Variants in TACC3 observed in about 807,000 individuals in gnomAD.
TACC3 encodes transforming acidic coiled-coil containing protein 3, also known as transforming acidic coiled-coil-containing protein 3.
Under a neutral mutation model 86.0 loss-of-function variants are expected in TACC3, and 52 were observed. That is an observed-to-expected ratio of 0.60 (90% CI 0.48 to 0.76). The LOEUF is 0.76. Among genes scored for constraint, TACC3 ranks in the 30% least tolerant of loss-of-function variants. The probability of loss-of-function intolerance (pLI) is 0.00; values close to 1 mark genes in which losing one functional copy is unlikely to be tolerated. For missense variants in TACC3, 1,120 were observed against 1,070.4 expected (o/e 1.05, Z -0.65); for synonymous variants, 512 against 430.0 (o/e 1.19, Z -2.36).
Position 1,735,873 on chromosome 4 carries a change from G to A in TACC3, c.1748+39G>A, listed in dbSNP as rs778461300. The stretch of plus-strand genomic sequence containing the variant: ...CCCTCCCTCATGCATGAAGCCTTGA[G>A]TGTGGGAAGACTGGAGGCTGTTCCT... On this transcript the variant is annotated intron_variant, in intron 8 of 15. Transcript: ENST00000313288. The surrounding 1 kb of genome is among the most constrained non-coding windows in gnomAD (Gnocchi z 4.2). 7.1e-5 allele frequency: 101 copies of A among 1,418,694 alleles called. No homozygotes were observed. Among genetic ancestry groups the A allele is most frequent in the Non-Finnish European group, 9.7e-5 (100 of 1,026,066 alleles). The allele number at this position is 1,418,694 out of a possible 1,614,324, so 87.9% of individuals were successfully genotyped here.
intron 8 of TACC3, among the ~76,000 whole-genome samples, chr4:1,736,422 C>CAAAAAAAAA (rs1164866581): frequency 3.0e-5 from 2 of 65,830 alleles, no homozygotes; most frequent in Non-Finnish European, 2.5e-5. Context: ...GACTCCATCT[C>CAAAAAAAAA]AAAAAAAAAA....
At chr4:1,733,149 G>A (rs1456648360) in intron 6 of TACC3, among the ~76,000 whole-genome samples, 2 of 152,144 alleles carry the variant, frequency 1.3e-5, no homozygotes, top group African/African-American at 4.8e-5. Flanking sequence ...TCTGGTTGCG[G>A]TTTTGATTTG....
chr4:1,733,763 A>C (rs1208348741), intron 6 of TACC3, among the ~76,000 whole-genome samples: 1 of 152,242 alleles, frequency 6.6e-6, no homozygotes, highest in Non-Finnish European at 1.5e-5. Flanking sequence ...GAATCACCTG[A>C]GATCAAGAGT....
At chr4:1,739,347 A>G (rs1192225613) in intron 10 of TACC3, 3 of 289,966 alleles carry the variant, frequency 1.0e-5, no homozygotes, top group Non-Finnish European at 1.9e-5. Context: ...TGACTTACTG[A>G]TTCTTTGAAG....
rs1292856377 is a variant in TACC3 at position 1,728,638 on chromosome 4, C to T, written c.1236C>T (p.Asp412=). The T allele has an allele frequency of 1.9e-6, 3 of 1,613,892 alleles. No individual in the cohort carries two copies. Among genetic ancestry groups the T allele is most frequent in the Admixed American group, 1.7e-5 (1 of 60,030 alleles). The change falls in exon 4 of 16, where the codon GAC becomes GAT. Residue 412 remains aspartate (D), a synonymous_variant. Transcript: ENST00000313288. ...ACCTCGACTGGGACAAAATGGATGA[C>T]CCAAACTTCATCCCGTTCGGAGGTG... ...SYHLDWDKMD[D]PNFIPFGGDT...
chr4:1,738,025 C>T (rs578151667), intron 10 of TACC3: 22 of 413,692 alleles, frequency 5.3e-5, no homozygotes, highest in Non-Finnish European at 9.4e-5. Flanking sequence ...CGAGTGTCGC[C>T]CCTTTCCTCC....
intron 3 of TACC3, among the ~76,000 whole-genome samples, chr4:1,726,156 A>T (rs963446713): frequency 2.6e-5 from 4 of 152,138 alleles, no homozygotes; most frequent in African/African-American, 9.7e-5. Context: ...GCCCTGCGCC[A>T]TGCAGTCCCA....
In TACC3 at chr4:1,731,268, C is replaced by G. The variant is rs148960781; in HGVS notation, c.1558C>G (p.Leu520Val). ...TCAGCAGGGGCAGCCTGCCTTGGAG[C>G]TGAAAGAGGAGAGCTTCAGAGACCC... ...THQQGQPALE[L>V]KEESFRDPAE... Residue 520 changes from leucine (L) to valine (V), a missense_variant, in exon 6 of 16, where the codon CTG becomes GTG. Coordinates refer to ENST00000313288, the MANE Select transcript of TACC3 (RefSeq NM_006342.3). 2.5e-5 allele frequency: 40 copies of G among 1,613,238 alleles called. No homozygotes were observed. The highest frequency in any genetic ancestry group is 3.2e-5 in the Non-Finnish European group (38 of 1,180,026).
chr4:1,726,985 G>A (rs1717719627), intron 3 of TACC3, among the ~76,000 whole-genome samples: 1 of 152,140 alleles, frequency 6.6e-6, no homozygotes, highest in Non-Finnish European at 1.5e-5. Flanking sequence ...AACAAAATTA[G>A]CCAGACATGG....
At position 1,744,940 on chromosome 4, in the gene TACC3, T is replaced by A. The variant is rs769020290; in HGVS notation, c.2452-8T>A. On this transcript the variant is annotated splice_region_variant and splice_polypyrimidine_tract_variant and intron_variant, in intron 15 of 15. Coordinates refer to ENST00000313288, the MANE Select transcript of TACC3 (RefSeq NM_006342.3). ...GGAGAAGCCCCGCAACTCATCTTCC[T>A]CCTCCAGACTAAAGAGAACGAGGAG... 1.7e-5 allele frequency: 28 copies of A among 1,611,730 alleles called. 1 individual carries two copies. Among genetic ancestry groups the A allele is most frequent in the South Asian group, 1.1e-4 (10 of 90,754 alleles).
intron 6 of TACC3, 140 bp downstream of exon 6, chr4:1,731,441 C>G: frequency 1.0e-6 from 1 of 959,900 alleles, no homozygotes; most frequent in Admixed American, 2.4e-5. Context: ...ATGACTCATG[C>G]ACAAACTTGT....
At chr4:1,737,969 T>C in intron 10 of TACC3, 1 of 555,990 alleles carries the variant, frequency 1.8e-6, no homozygotes, top group Non-Finnish European at 3.4e-6. Context: ...GGCGTTGGCC[T>C]CTGGTGGCCT....
rs764828069 is a variant in TACC3, at chr4:1,740,949, T to G, written c.2186T>G (p.Phe729Cys). The change falls in exon 13 of 16, where the codon TTT becomes TGT. Residue 729 changes from phenylalanine to cysteine, a missense_variant. Physicochemically the swap from Phe to Cys is radical, Grantham distance 205. Transcript: ENST00000313288. Reference sequence around the variant, plus strand: ...TCCTTCTCCGACCTCTTCAAGCGTTTTGAGAAACAGAAAGAGGTGATCGAG... The same window carrying G: ...TCCTTCTCCGACCTCTTCAAGCGTTGTGAGAAACAGAAAGAGGTGATCGAG... Reference protein sequence around the residue: ...EKSFSDLFKRFEKQKEVIEGY... With the variant: ...EKSFSDLFKRCEKQKEVIEGY... 6.2e-7 allele frequency: 1 copy of G among 1,610,952 alleles called. No homozygotes were observed. The highest frequency in any genetic ancestry group is 2.2e-5 in the East Asian group (1 of 44,800).
intron 10 of TACC3, 183 bp from the exon 11 acceptor site, chr4:1,739,519 C>T (rs952498954): frequency 2.6e-5 from 16 of 607,284 alleles, no homozygotes; most frequent in East Asian, 1.1e-4. Flanking sequence ...GTCGGGTGCA[C>T]GTGGAGCAGG....
In TACC3 at chr4:1,728,194, C is replaced by T. The variant is rs758170032; in HGVS notation, c.792C>T (p.Pro264=). The part of the protein sequence containing the change: ...AIPKEACGGA[P]LQGLPGEALG... ...CTAAGGAAGCCTGCGGAGGAGCACC[C>T]CTGCAGGGTCTGCCTGGCGAAGCCC... is the stretch of plus-strand genomic sequence containing the variant. The change falls in exon 4 of 16, where the codon CCC becomes CCT. Residue 264 remains proline, a synonymous_variant. Transcript: ENST00000313288. 1.2e-6 allele frequency: 2 copies of T among 1,611,726 alleles called. No homozygotes were observed. Among genetic ancestry groups the T allele is most frequent in the African/African-American group, 2.7e-5 (2 of 75,044 alleles).
upstream of TACC3, chr4:1,720,929 G>A (rs1422554787): frequency 8.4e-7 from 1 of 1,189,998 alleles, no homozygotes; most frequent in Non-Finnish European, 1.1e-6. The surrounding 1 kb of genome is among the most constrained non-coding windows in gnomAD (Gnocchi z 4.4). Context: ...CGGTTGCGGC[G>A]GCCGCCGCCC....
In TACC3 at chr4:1,744,813, A is replaced by T. The variant is rs1411166113; in HGVS notation, c.2432A>T (p.Glu811Val). The T allele has an allele frequency of 6.2e-7, 1 of 1,612,960 alleles. No homozygotes were observed. The highest frequency in any genetic ancestry group is 1.1e-5 in the South Asian group (1 of 91,078). ...RKEQMRIQSL[E>V]KTVEQKTKEN... Reference sequence around the variant, plus strand: ...GAGCAGATGCGCATCCAGTCGCTGGAGAAGACAGTGGAGCAGAAGGTGGGT... The same window carrying T: ...GAGCAGATGCGCATCCAGTCGCTGGTGAAGACAGTGGAGCAGAAGGTGGGT... Residue 811 changes from glutamate (E) to valine (V), a missense_variant, in exon 15 of 16, where the codon GAG becomes GTG. Transcript: ENST00000313288.
At chr4:1,731,447 C>T (rs905322541) in intron 6 of TACC3, 146 bp downstream of exon 6, 2 of 929,600 alleles carry the variant, frequency 2.2e-6, no homozygotes, top group Middle Eastern at 3.5e-4. Flanking sequence ...CATGCACAAA[C>T]TTGTGGTTTG....
At chr4:1,723,111 G>T (rs1183890500) in intron 1 of TACC3, 1 of 360,624 alleles carries the variant, frequency 2.8e-6, no homozygotes, top group Non-Finnish European at 5.1e-6. Flanking sequence ...TACAGCAGTA[G>T]AGATTATGCA....
Sources: allele counts gnomAD v4.1 joint callset (sites outside exome capture counted in the v4.1 genomes callset), GRCh38; gene constraint gnomAD v4.1.1; non-coding constraint Gnocchi (gnomAD v3.1); transcripts MANE v1.5; gene names NCBI Gene and HGNC (gene_info 2026-07-23, HGNC 2026-07-21).